NFIA: variants seen among roughly 807,000 people sequenced by gnomAD.
NFIA encodes the protein nuclear factor I A.
A neutral mutation model predicts 62.8 loss-of-function variants in NFIA; 8 were observed. The ratio of observed to expected loss-of-function variants is 0.13; its 90% CI spans 0.07 to 0.23. The LOEUF is 0.23. Ranked by LOEUF, NFIA falls within the 10% of genes least tolerant of loss-of-function variation. The pLI, the probability that NFIA is intolerant of heterozygous loss-of-function variation, is 1.00. For missense variants in NFIA, 410 were observed against 642.1 expected (o/e 0.64, Z 3.91); for synonymous variants, 235 against 238.1 (o/e 0.99, Z 0.12).
chr1:61,380,936 A>G (rs1557744431), intron 6 of NFIA, among the ~76,000 whole-genome samples: 2 of 152,148 alleles, frequency 1.3e-5, no homozygotes, highest in African/African-American at 4.8e-5. Flanking sequence ...AGAAGCATAA[A>G]TAGTGGATTT....
chr1:61,329,700 T>C (rs1661186358), intron 3 of NFIA, among the ~76,000 whole-genome samples: 1 of 152,152 alleles, frequency 6.6e-6, no homozygotes, highest in Admixed American at 6.5e-5. Context: ...GCTGTTTCTG[T>C]AAACTCCCTG....
chr1:61,152,220 G>T (rs1371074660), intron 2 of NFIA, among the ~76,000 whole-genome samples: 1 of 152,128 alleles, frequency 6.6e-6, no homozygotes, highest in African/African-American at 2.4e-5. Context: ...TTAATCGCCT[G>T]CCCAAAGAGG....
At chr1:61,162,602 A>G (rs536423477) in intron 2 of NFIA, among the ~76,000 whole-genome samples, 3 of 152,254 alleles carry the variant, frequency 2.0e-5, no homozygotes, top group Non-Finnish European at 4.4e-5. Flanking sequence ...CTTAGTTTCT[A>G]TCATGATAGA....
Position 61,360,219 on chromosome 1 carries a change from G to C in NFIA, c.946+945G>C, listed in dbSNP as rs141792169. On this transcript the variant is annotated intron_variant, in intron 6 of 10. Coordinates refer to ENST00000403491, the MANE Select transcript of NFIA (RefSeq NM_001134673.4). The stretch of plus-strand genomic sequence containing the variant: ...GGAGTCTTGGGAGTAATATGGATAA[G>C]TCTGATTGCAAAAACTATTTGAAAC... 2.4e-3 allele frequency among the ~76,000 whole-genome samples: 360 copies of C among 152,322 alleles called. 1 individual carries two copies. The highest frequency in any genetic ancestry group is 8.3e-3 in the African/African-American group (344 of 41,570).
chr1:61,180,721 C>T (rs142614102), intron 2 of NFIA, among the ~76,000 whole-genome samples: 36 of 152,296 alleles, frequency 2.4e-4, no homozygotes, highest in African/African-American at 8.2e-4. Context: ...AAAGATTCAG[C>T]TTCTATCTAG....
chr1:61,434,306 C>A (rs1442778159), intron 10 of NFIA, among the ~76,000 whole-genome samples: 1 of 152,122 alleles, frequency 6.6e-6, no homozygotes, highest in Non-Finnish European at 1.5e-5. Context: ...GTAAGCAACA[C>A]CTCGCAGAGA....
intron 2 of NFIA, among the ~76,000 whole-genome samples, chr1:61,202,641 T>C (rs764929450): frequency 3.9e-5 from 6 of 152,220 alleles, no homozygotes; most frequent in Admixed American, 6.5e-5. Flanking sequence ...GTAAAGTCTA[T>C]GCGCAGTTGT....
intron 2 of NFIA, among the ~76,000 whole-genome samples, chr1:61,191,881 C>A (rs1248758912): frequency 1.3e-5 from 2 of 152,178 alleles, no homozygotes; most frequent in Non-Finnish European, 2.9e-5. Context: ...TGGCCTTGCC[C>A]TTACAGAGAC....
intron 4 of NFIA, among the ~76,000 whole-genome samples, chr1:61,334,555 GTATATATATATATATATATATA>G (rs56259392): frequency 0.06 from 5,869 of 97,468 alleles, 830 homozygotes; most frequent in African/African-American, 0.14. Flanking sequence ...GTGTGTGTGT[GTATATATATATATATATATATA>G]TATATATATA....
At chr1:61,159,139 C>T (rs1435526870) in intron 2 of NFIA, among the ~76,000 whole-genome samples, 1 of 151,846 alleles carries the variant, frequency 6.6e-6, no homozygotes, top group Non-Finnish European at 1.5e-5. Flanking sequence ...GAGGAATTAC[C>T]GAGACTAGTA....
chr1:61,361,503 T>TC (rs1663288337), intron 6 of NFIA, among the ~76,000 whole-genome samples: 1 of 150,904 alleles, frequency 6.6e-6, no homozygotes, highest in African/African-American at 2.4e-5. Context: ...TTTTTGTGCA[T>TC]ATTGAAGCTG....
intron 9 of NFIA, among the ~76,000 whole-genome samples, chr1:61,408,143 G>C (rs891825709): frequency 6.6e-6 from 1 of 152,222 alleles, no homozygotes; most frequent in African/African-American, 2.4e-5. Flanking sequence ...CATAGATTCT[G>C]TATCAATAGC....
At chr1:61,106,024 T>C (rs1020734902) in intron 2 of NFIA, among the ~76,000 whole-genome samples, 1 of 151,720 alleles carries the variant, frequency 6.6e-6, no homozygotes, top group Non-Finnish European at 1.5e-5. Flanking sequence ...TATTGAATAT[T>C]ACCACTGGAG....
At chr1:61,151,596 C>T (rs1648416344) in intron 2 of NFIA, among the ~76,000 whole-genome samples, 2 of 152,066 alleles carry the variant, frequency 1.3e-5, no homozygotes, top group African/African-American at 4.8e-5. Context: ...GATTTTATGT[C>T]GCGTAACCAT....
intron 3 of NFIA, among the ~76,000 whole-genome samples, chr1:61,302,191 T>A (rs911986935): frequency 6.6e-6 from 1 of 152,172 alleles, no homozygotes; most frequent in African/African-American, 2.4e-5. Flanking sequence ...ATCTCCTAGT[T>A]TTAAATGCTC....
intron 2 of NFIA, among the ~76,000 whole-genome samples, chr1:61,205,073 G>A (rs1284691250): frequency 6.6e-6 from 1 of 152,058 alleles, no homozygotes; most frequent in African/African-American, 2.4e-5. Context: ...CTATCAATTA[G>A]GTACTTAATG....
chr1:61,183,527 C>CCACT (rs953394309), intron 2 of NFIA, among the ~76,000 whole-genome samples: 35 of 152,294 alleles, frequency 2.3e-4, no homozygotes, highest in African/African-American at 8.2e-4. Flanking sequence ...CCCCAGCGAC[C>CCACT]AGTGGCCAGT....
At chr1:61,414,537 T>G (rs571694516) in intron 9 of NFIA, among the ~76,000 whole-genome samples, 5 of 78,872 alleles carry the variant, frequency 6.3e-5, no homozygotes, top group South Asian at 1.3e-3. Flanking sequence ...TGGTTTTTTG[T>G]TTTGTTTTTT....
At chr1:61,226,697 ATAT>A (rs765098176) in intron 2 of NFIA, among the ~76,000 whole-genome samples, 39 of 152,144 alleles carry the variant, frequency 2.6e-4, no homozygotes, top group Non-Finnish European at 7.4e-5. Context: ...CATCAGACAG[ATAT>A]TATTAAAAAA....
Sources: allele counts gnomAD v4.1 joint callset (sites outside exome capture counted in the v4.1 genomes callset), GRCh38; gene constraint gnomAD v4.1.1; transcripts MANE v1.5; gene names NCBI Gene and HGNC (gene_info 2026-07-23, HGNC 2026-07-21).